Variants in TENM3 observed in about 807,000 individuals in gnomAD.
TENM3 encodes the protein teneurin transmembrane protein 3, also known as teneurin-3.
TENM3 carries 63 observed loss-of-function variants against 255.1 expected under a neutral mutation model. That is an observed-to-expected ratio of 0.25 (90% confidence interval 0.20 to 0.30). The LOEUF (loss-of-function observed/expected upper bound fraction) is 0.30. Among genes scored for constraint, TENM3 ranks in the 10% least tolerant of loss-of-function variants. TENM3 has a pLI of 1.00. For missense variants in TENM3, 2,929 were observed against 3,461.1 expected (o/e 0.85, Z 3.86); for synonymous variants, 1,306 against 1,322.3 (o/e 0.99, Z 0.27).
the TENM3 span, among the ~76,000 whole-genome samples, chr4:181,490,538 C>A: frequency 6.6e-6 from 1 of 152,126 alleles, no homozygotes; most frequent in Non-Finnish European, 1.5e-5. Context: ...AAACAATGCA[C>A]CGGACTAATT....
the TENM3 span, among the ~76,000 whole-genome samples, chr4:181,705,842 T>C: frequency 1.3e-5 from 2 of 152,206 alleles, no homozygotes; most frequent in African/African-American, 2.4e-5. Context: ...AGCATGGACC[T>C]ATTCACAGGG....
chr4:182,485,701 A>G (rs1561496952), intron 3 of TENM3, among the ~76,000 whole-genome samples: 1 of 152,162 alleles, frequency 6.6e-6, no homozygotes, highest in Non-Finnish European at 1.5e-5. Flanking sequence ...TAAAATCTGA[A>G]AAACCAGTAT....
chr4:181,740,402 A>G, the TENM3 span, among the ~76,000 whole-genome samples: 1 of 152,312 alleles, frequency 6.6e-6, no homozygotes, highest in Middle Eastern at 3.4e-3. Flanking sequence ...CTATGAATAT[A>G]TATGTGTTAT....
At chr4:181,711,302 A>C in the TENM3 span, among the ~76,000 whole-genome samples, 1 of 151,534 alleles carries the variant, frequency 6.6e-6, no homozygotes, top group Non-Finnish European at 1.5e-5. Flanking sequence ...TAAATCATAT[A>C]TCAGTTTAAA....
chr4:181,581,728 CTT>C, the TENM3 span, among the ~76,000 whole-genome samples: 65 of 139,116 alleles, frequency 4.7e-4, no homozygotes, highest in Non-Finnish European at 5.2e-4. Flanking sequence ...TTCCGCTTTA[CTT>C]TTTTTTTTTT....
intron 1 of TENM3, among the ~76,000 whole-genome samples, chr4:182,253,928 A>T (rs935307998): frequency 2.0e-5 from 3 of 152,068 alleles, no homozygotes. Context: ...CAAAATAACG[A>T]TACACTTGAT....
chr4:181,803,939 CA>C, the TENM3 span, among the ~76,000 whole-genome samples: 27,916 of 116,810 alleles, frequency 0.24, 2,679 homozygotes, highest in South Asian at 0.34. Context: ...ATTATCTCAA[CA>C]AAAAAAAAAA....
the TENM3 span, among the ~76,000 whole-genome samples, chr4:181,615,820 T>G: frequency 6.6e-6 from 1 of 152,222 alleles, no homozygotes; most frequent in African/African-American, 2.4e-5. Context: ...AAAAATTTCC[T>G]GTAGGGAAGA....
intron 24 of TENM3, among the ~76,000 whole-genome samples, chr4:182,779,507 T>C (rs969597861): frequency 1.3e-5 from 2 of 152,184 alleles, no homozygotes; most frequent in African/African-American, 2.4e-5. Flanking sequence ...TGAATAGTGC[T>C]GCAATAAACA....
chr4:181,789,869 T>C, the TENM3 span, among the ~76,000 whole-genome samples: 1 of 152,170 alleles, frequency 6.6e-6, no homozygotes, highest in Non-Finnish European at 1.5e-5. Flanking sequence ...CCATGTCCTA[T>C]GCCCTACACA....
At chr4:181,833,848 A>G in the TENM3 span, among the ~76,000 whole-genome samples, 1 of 152,158 alleles carries the variant, frequency 6.6e-6, no homozygotes, top group Admixed American at 6.5e-5. Flanking sequence ...TCTCAAGGAC[A>G]AGGGGTGTCC....
At chr4:182,235,972 G>T (rs1169657638) in intron 1 of TENM3, among the ~76,000 whole-genome samples, 1 of 152,204 alleles carries the variant, frequency 6.6e-6, no homozygotes, top group Non-Finnish European at 1.5e-5. Flanking sequence ...GCAAAGAGAA[G>T]CATTGAAAGG....
the TENM3 span, among the ~76,000 whole-genome samples, chr4:181,559,216 T>C: frequency 6.6e-6 from 1 of 152,168 alleles, no homozygotes; most frequent in Non-Finnish European, 1.5e-5. Context: ...AAAATGTGTT[T>C]CTTCTGATTC....
intron 2 of TENM3, among the ~76,000 whole-genome samples, chr4:182,338,282 C>T (rs1034105232): frequency 6.6e-6 from 1 of 152,152 alleles, no homozygotes; most frequent in African/African-American, 2.4e-5. Flanking sequence ...CAAAAACAAC[C>T]TCCGCTGTCA....
the TENM3 span, among the ~76,000 whole-genome samples, chr4:181,899,159 A>AT: frequency 5.3e-5 from 8 of 152,060 alleles, no homozygotes; most frequent in East Asian, 5.8e-4. Context: ...AAACCATGTG[A>AT]TTTTTTATGT....
At chr4:181,672,814 A>G in the TENM3 span, among the ~76,000 whole-genome samples, 89 of 152,308 alleles carry the variant, frequency 5.8e-4, 1 homozygote, top group Admixed American at 5.6e-3. Context: ...GGCAGATGTG[A>G]TCTTCATTTC....
intron 3 of TENM3, among the ~76,000 whole-genome samples, chr4:182,432,387 G>T (rs942874171): frequency 1.3e-5 from 2 of 152,132 alleles, no homozygotes; most frequent in Non-Finnish European, 2.9e-5. Context: ...TTGGATTGTA[G>T]TCAGGTTAAA....
chr4:182,303,075 T>A (rs890308120), intron 1 of TENM3, among the ~76,000 whole-genome samples: 2 of 152,162 alleles, frequency 1.3e-5, no homozygotes, highest in African/African-American at 4.8e-5. Context: ...TGATTAGTTA[T>A]GGGAATTGCG....
At chr4:182,381,392 G>C (rs1275927643) in intron 3 of TENM3, among the ~76,000 whole-genome samples, 2 of 152,136 alleles carry the variant, frequency 1.3e-5, no homozygotes, top group Non-Finnish European at 2.9e-5. Flanking sequence ...TTTCGATACT[G>C]GGATGAAGAG....
Sources: gnomAD v4.1 joint callset for allele counts (sites outside exome capture counted in the v4.1 genomes callset) on GRCh38, gnomAD v4.1.1 for gene constraint, MANE v1.5 for transcripts, NCBI Gene and HGNC (gene_info 2026-07-23, HGNC 2026-07-21) for gene names.